ANO4: variants seen among roughly 807,000 people sequenced by gnomAD.
ANO4 encodes the protein anoctamin-4.
ANO4 carries 69 observed loss-of-function variants against 141.9 expected under a neutral mutation model. That is an observed-to-expected ratio of 0.49 (90% CI 0.40 to 0.59). ANO4 has a LOEUF of 0.59. ANO4 is among the 20% of genes least tolerant of loss of function. The probability of loss-of-function intolerance (pLI) is 0.00; values close to 1 mark genes in which losing one functional copy is unlikely to be tolerated. For missense variants in ANO4, 894 were observed against 1,162.2 expected (o/e 0.77, Z 3.36); for synonymous variants, 350 against 394.3 (o/e 0.89, Z 1.33).
intron 1 of ANO4, among the ~76,000 whole-genome samples, chr12:100,732,067 G>T (rs757914688): frequency 2.6e-5 from 4 of 152,304 alleles, no homozygotes; most frequent in Non-Finnish European, 4.4e-5. Flanking sequence ...TTTTTGGATG[G>T]GCGTAAGTTT....
chr12:100,987,791 A>T, intron 8 of ANO4, 121 bp downstream of exon 8: 1 of 1,384,284 alleles, frequency 7.2e-7, no homozygotes, highest in South Asian at 1.4e-5. Context: ...TTCTCCCCTA[A>T]AAGTCTTGTG....
intron 8 of ANO4, among the ~76,000 whole-genome samples, chr12:101,003,171 C>T: frequency 6.6e-6 from 1 of 152,252 alleles, no homozygotes; most frequent in East Asian, 1.9e-4. Flanking sequence ...TCTGATACAA[C>T]AAACCCTCAA....
chr12:100,796,032 A>G (rs1311623074), intron 1 of ANO4, among the ~76,000 whole-genome samples: 1 of 107,978 alleles, frequency 9.3e-6, no homozygotes, highest in Non-Finnish European at 1.7e-5. Context: ...CTCTCTTAAC[A>G]GGGATTTTTT....
At chr12:100,793,208 T>C (rs1270299500), upstream of ANO4, among the ~76,000 whole-genome samples, 1 of 152,240 alleles carries the variant, frequency 6.6e-6, no homozygotes, top group African/African-American at 2.4e-5. Context: ...TTTGCTGATT[T>C]GAGTTGAACT....
chr12:100,832,187 T>C (rs978550554), intron 1 of ANO4, among the ~76,000 whole-genome samples: 3 of 152,104 alleles, frequency 2.0e-5, no homozygotes, highest in Non-Finnish European at 2.9e-5. Flanking sequence ...AAGATCACTC[T>C]GGAAGAGTCT....
intron 3 of ANO4, among the ~76,000 whole-genome samples, chr12:100,774,187 T>C (rs920032987): frequency 1.3e-5 from 2 of 151,888 alleles, no homozygotes; most frequent in African/African-American, 4.8e-5. Context: ...GGTTTTACCC[T>C]CTCAGTAAAA....
intron 14 of ANO4, among the ~76,000 whole-genome samples, chr12:101,055,054 C>T (rs775814641): frequency 6.6e-6 from 1 of 152,128 alleles, no homozygotes; most frequent in Non-Finnish European, 1.5e-5. Flanking sequence ...ATAATTTGTT[C>T]GTCTACTTAC....
At chr12:100,774,717 A>G (rs17030577) in intron 3 of ANO4, among the ~76,000 whole-genome samples, 7,194 of 150,828 alleles carry the variant, frequency 0.048, 183 homozygotes, top group Non-Finnish European at 0.067. Context: ...AAGACAAACA[A>G]AAACGAGATG....
rs892668924 is a variant in ANO4 at position 100,925,787 on chromosome 12, A to G, written c.160+3457A>G. ...ATAGTATATATATATATATGTATGC[A>G]TGTATATATGTGTGTATACATACAT... On this transcript the variant is annotated intron_variant, in intron 3 of 27. Coordinates refer to ENST00000392977, the MANE Select transcript of ANO4 (RefSeq NM_001286615.2). Among the ~76,000 whole-genome samples, 39 of 148,784 alleles carry G rather than the reference A, an allele frequency of 2.6e-4. 2 individuals are homozygous for G. The highest frequency in any genetic ancestry group is 6.8e-5 in the Admixed American group (1 of 14,702).
chr12:101,080,865 G>GATATAT (rs373785625), intron 15 of ANO4, among the ~76,000 whole-genome samples: 3 of 109,370 alleles, frequency 2.7e-5, no homozygotes, highest in East Asian at 3.9e-4. Context: ...CTAGGTTCTA[G>GATATAT]ATATATATAT....
chr12:101,104,423 C>T (rs927730124), intron 22 of ANO4, among the ~76,000 whole-genome samples: 15 of 151,152 alleles, frequency 9.9e-5, no homozygotes, highest in African/African-American at 3.6e-4. Context: ...ATTAGCAAAA[C>T]ATTTTCCATT....
chr12:100,789,628 C>G (rs535580987), intron 3 of ANO4, among the ~76,000 whole-genome samples: 1 of 152,162 alleles, frequency 6.6e-6, no homozygotes, highest in Non-Finnish European at 1.5e-5. Context: ...GGTGACACAG[C>G]GCACTGAGCT....
chr12:100,810,598 G>A (rs1281543194), intron 1 of ANO4, among the ~76,000 whole-genome samples: 1 of 152,160 alleles, frequency 6.6e-6, no homozygotes, highest in Non-Finnish European at 1.5e-5. Context: ...GACCAGGATA[G>A]TGATTCTGGA....
chr12:101,049,896 C>T (rs1462713044), intron 14 of ANO4, among the ~76,000 whole-genome samples: 1 of 152,062 alleles, frequency 6.6e-6, no homozygotes, highest in Non-Finnish European at 1.5e-5. Context: ...TGGGAAAAGG[C>T]CTGAGGTTCT....
At chr12:100,794,648 C>A, upstream of ANO4, 1 of 152,390 alleles carries the variant, frequency 6.6e-6, no homozygotes, top group Non-Finnish European at 1.5e-5. Flanking sequence ...CCTTTTCATC[C>A]CTCTTCTCGC....
chr12:100,905,915 A>G (rs1052851728), intron 2 of ANO4, among the ~76,000 whole-genome samples: 1 of 152,130 alleles, frequency 6.6e-6, no homozygotes, highest in Non-Finnish European at 1.5e-5. Flanking sequence ...GGGTCTAATA[A>G]GTTCTTTTCC....
At chr12:100,954,659 T>C (rs2043109410) in intron 5 of ANO4, among the ~76,000 whole-genome samples, 1 of 152,194 alleles carries the variant, frequency 6.6e-6, no homozygotes. Context: ...TTTGAGGCTA[T>C]GCTAGCCCCA....
At chr12:101,104,892 C>G (rs2050380801) in intron 22 of ANO4, among the ~76,000 whole-genome samples, 1 of 151,618 alleles carries the variant, frequency 6.6e-6, no homozygotes, top group Admixed American at 6.6e-5. Flanking sequence ...GTGGATTTGT[C>G]TTATTCTATT....
intron 2 of ANO4, among the ~76,000 whole-genome samples, chr12:100,916,890 A>G (rs894273305): frequency 1.3e-5 from 2 of 152,058 alleles, no homozygotes; most frequent in Middle Eastern, 3.2e-3. Context: ...TCTCTTGTAT[A>G]AAAGTGCTTT....
Sources: allele counts gnomAD v4.1 joint callset (sites outside exome capture counted in the v4.1 genomes callset), GRCh38; gene constraint gnomAD v4.1.1; transcripts MANE v1.5; gene names NCBI Gene and HGNC (gene_info 2026-07-23, HGNC 2026-07-21).